Variants in DLGAP1 observed in about 807,000 individuals in gnomAD.
DLGAP1 encodes the protein disks large-associated protein 1.
In DLGAP1, 11 loss-of-function variants were observed where a neutral mutation model predicts 90.8. That is an observed-to-expected ratio of 0.12 (90% CI 0.08 to 0.20). DLGAP1 has a LOEUF of 0.20. Among genes scored for constraint, DLGAP1 ranks in the 10% least tolerant of loss-of-function variants. The probability of loss-of-function intolerance (pLI) is 1.00; values close to 1 mark genes in which losing one functional copy is unlikely to be tolerated. For missense variants in DLGAP1, 1,050 were observed against 1,333.8 expected (o/e 0.79, Z 3.31); for synonymous variants, 558 against 540.7 (o/e 1.03, Z -0.44).
intron 3 of DLGAP1, among the ~76,000 whole-genome samples, chr18:3,966,304 G>T (rs1031700958): frequency 9.2e-5 from 14 of 152,150 alleles, no homozygotes; most frequent in African/African-American, 3.1e-4. Flanking sequence ...TGGAGAAGTA[G>T]TGCTCTATTT....
At position 4,342,246 on chromosome 18, in the gene DLGAP1, C is replaced by G. The variant is rs1270487179; in HGVS notation, c.-267+112760G>C. On this transcript the variant is annotated intron_variant, in intron 1 of 12. Coordinates refer to ENST00000315677, the MANE Select transcript of DLGAP1 (RefSeq NM_004746.4). This position sits in a 1 kb window ranked among gnomAD's most constrained non-coding sequence, Gnocchi z 5.8. ...AACCCTGGGATCACCTACAACAGAG[C>G]CCCTGAACTTGATTCTGCTTGCATT... 6.6e-6 allele frequency among the ~76,000 whole-genome samples: 1 copy of G among 151,932 alleles called. No homozygotes were observed. Among genetic ancestry groups the G allele is most frequent in the East Asian group, 1.9e-4 (1 of 5,178 alleles).
At chr18:4,025,509 G>A (rs1169241075) in intron 2 of DLGAP1, among the ~76,000 whole-genome samples, 2 of 152,086 alleles carry the variant, frequency 1.3e-5, no homozygotes, top group African/African-American at 4.8e-5. Context: ...TTTTTCCAAT[G>A]AGGCAACAGT....
chr18:3,822,335 G>A (rs1035189240), intron 4 of DLGAP1, among the ~76,000 whole-genome samples: 2 of 152,148 alleles, frequency 1.3e-5, no homozygotes, highest in Admixed American at 6.6e-5. Flanking sequence ...ACGGTAATTT[G>A]CTTACCATGA....
At chr18:3,557,787 C>T (rs1385864591) in intron 9 of DLGAP1, among the ~76,000 whole-genome samples, 1 of 151,838 alleles carries the variant, frequency 6.6e-6, no homozygotes, top group Non-Finnish European at 1.5e-5. Context: ...ATCAGCCTGG[C>T]GTGGTGGCGG....
chr18:3,523,575 C>CAT (rs2051359430), intron 10 of DLGAP1, among the ~76,000 whole-genome samples: 1 of 151,714 alleles, frequency 6.6e-6, no homozygotes, highest in African/African-American at 2.4e-5. Flanking sequence ...CGACCAGGTG[C>CAT]GGTGGCTCAC....
chr18:4,223,651 TG>T (rs1568459248), intron 1 of DLGAP1, among the ~76,000 whole-genome samples: 1 of 152,240 alleles, frequency 6.6e-6, no homozygotes, highest in Non-Finnish European at 1.5e-5. Flanking sequence ...TCACCAGATA[TG>T]TAAAGGCATT....
At chr18:3,995,235 G>C (rs981777875) in intron 3 of DLGAP1, 2 of 152,000 alleles carry the variant, frequency 1.3e-5, no homozygotes, top group African/African-American at 4.8e-5. Context: ...GAGCTGAAAT[G>C]GAGTGAGAGC....
At chr18:4,187,378 C>T (rs1040114362) in intron 1 of DLGAP1, among the ~76,000 whole-genome samples, 2 of 151,992 alleles carry the variant, frequency 1.3e-5, no homozygotes, top group African/African-American at 4.8e-5. Flanking sequence ...CTCCTTTAAA[C>T]GTTCCAAGAT....
At chr18:3,732,859 T>A (rs1031658012) in intron 6 of DLGAP1, among the ~76,000 whole-genome samples, 2 of 152,106 alleles carry the variant, frequency 1.3e-5, no homozygotes, top group Admixed American at 6.5e-5. Context: ...ACAATCTGGG[T>A]ACTAGGGAGA....
At chr18:3,672,234 ACAC>A (rs2060114252) in intron 7 of DLGAP1, among the ~76,000 whole-genome samples, 10 of 151,608 alleles carry the variant, frequency 6.6e-5, no homozygotes, top group Non-Finnish European at 1.0e-4. Flanking sequence ...ACACACACAC[ACAC>A]ACAGAGGCAA....
intron 3 of DLGAP1, among the ~76,000 whole-genome samples, chr18:3,926,476 G>T (rs2072391442): frequency 8.6e-6 from 1 of 116,922 alleles, no homozygotes; most frequent in South Asian, 3.0e-4. Flanking sequence ...GCCTATGTAT[G>T]TAGTATTTAT....
intron 2 of DLGAP1, among the ~76,000 whole-genome samples, chr18:4,046,861 A>C (rs898802790): frequency 6.6e-5 from 10 of 152,210 alleles, no homozygotes; most frequent in African/African-American, 2.2e-4. Context: ...TAGAGGCAAC[A>C]GTGCCTTTAC....
chr18:4,247,794 A>G (rs961148067), intron 1 of DLGAP1, among the ~76,000 whole-genome samples: 1 of 152,072 alleles, frequency 6.6e-6, no homozygotes, highest in African/African-American at 2.4e-5. Context: ...AAGTTATCCC[A>G]TATATTTTTC....
chr18:3,656,183 C>A, intron 7 of DLGAP1: 1 of 1,323,826 alleles, frequency 7.6e-7, no homozygotes. Flanking sequence ...TCTCATAACA[C>A]ACGCATGCTT....
intron 5 of DLGAP1, among the ~76,000 whole-genome samples, chr18:3,811,714 T>C (rs2066853180): frequency 6.6e-6 from 1 of 152,152 alleles, no homozygotes; most frequent in African/African-American, 2.4e-5. Flanking sequence ...AAGAAATATA[T>C]GGTGGTCACA....
chr18:3,970,465 C>G lies in DLGAP1; in HGVS notation c.-73+34651G>C, dbSNP rs367549237. ...GGTAATGAACCTTTGTACTTTAACTCAAATACACTGTCAAAAGCGATTTTA... is the reference window on the plus strand; with the variant it reads ...GGTAATGAACCTTTGTACTTTAACTGAAATACACTGTCAAAAGCGATTTTA... On this transcript the variant is annotated intron_variant, in intron 3 of 12. Transcript: ENST00000315677. Among the ~76,000 whole-genome samples the G allele has an allele frequency of 1.6e-3, 247 of 152,226 alleles. 3 individuals carry two copies. The South Asian group carries it at 0.026, about 16-fold the overall frequency.
At chr18:4,130,693 G>C (rs1213866439) in intron 2 of DLGAP1, among the ~76,000 whole-genome samples, 2 of 152,052 alleles carry the variant, frequency 1.3e-5, no homozygotes, top group Non-Finnish European at 2.9e-5. Flanking sequence ...ACATGAACAC[G>C]GACCACAAGA....
At chr18:3,892,563 G>C (rs1455532059) in intron 3 of DLGAP1, among the ~76,000 whole-genome samples, 2 of 152,084 alleles carry the variant, frequency 1.3e-5, no homozygotes, top group Non-Finnish European at 2.9e-5. Flanking sequence ...GAGATGATAG[G>C]CTTCATCTAA....
intron 1 of DLGAP1, among the ~76,000 whole-genome samples, chr18:4,404,561 TTTACTC>T (rs1324261163): frequency 6.6e-6 from 1 of 152,202 alleles, no homozygotes; most frequent in African/African-American, 2.4e-5. Flanking sequence ...TGAAAACTAA[TTTACTC>T]TTACATACAT....
Sources: allele counts gnomAD v4.1 joint callset (sites outside exome capture counted in the v4.1 genomes callset), GRCh38; gene constraint gnomAD v4.1.1; non-coding constraint Gnocchi (gnomAD v3.1); transcripts MANE v1.5; gene names NCBI Gene and HGNC (gene_info 2026-07-23, HGNC 2026-07-21).